Variants in TMEM255A observed in about 807,000 individuals in gnomAD.
TMEM255A encodes the protein family with sequence similarity 70, member A.
Under a neutral mutation model 23.5 loss-of-function variants are expected in TMEM255A, and 14 were observed. The ratio of observed to expected loss-of-function variants is 0.60; its 90% confidence interval spans 0.39 to 0.93. The LOEUF (loss-of-function observed/expected upper bound fraction) is 0.93. Among genes scored for constraint, TMEM255A ranks in the 40% least tolerant of loss-of-function variants. The probability of loss-of-function intolerance (pLI) is 0.00; values close to 1 mark genes in which losing one functional copy is unlikely to be tolerated. For missense variants in TMEM255A, 233 were observed against 261.7 expected (o/e 0.89, Z 0.76); for synonymous variants, 104 against 100.3 (o/e 1.04, Z -0.22).
intron 1 of TMEM255A, among the ~76,000 whole-genome samples, chrX:120,308,319 G>A (rs1187258255): frequency 8.9e-6 from 1 of 111,803 alleles, no homozygotes; most frequent in African/African-American, 3.3e-5. Context: ...GTTTTACCTT[G>A]CACACGTTCT....
chrX:120,276,933 C>T lies in TMEM255A; in HGVS notation c.627G>A (p.Leu209=), dbSNP rs1216899626. The T allele has an allele frequency of 8.3e-7, 1 of 1,210,095 alleles. No individual in the cohort carries two copies. Among genetic ancestry groups the T allele is most frequent in the African/African-American group, 1.7e-5 (1 of 57,230 alleles). Residue 209 remains leucine (L), a synonymous_variant, in exon 7 of 9, where the codon CTG becomes CTA. Coordinates refer to ENST00000371369, the MANE Select transcript of TMEM255A (RefSeq NM_001104544.3). ...CAGCGGCAGTGATGATGCCCAGGAACAGGCCAACAATGTTGAGGATGGTGG... is the reference window on the plus strand; with the variant it reads ...CAGCGGCAGTGATGATGCCCAGGAATAGGCCAACAATGTTGAGGATGGTGG... ...WSATILNIVG[L]FLGIITAAVL... is the part of the protein sequence containing the mutation.
chrX:120,298,905 G>GA (rs1215969962), intron 2 of TMEM255A, among the ~76,000 whole-genome samples: 1 of 108,480 alleles, frequency 9.2e-6, no homozygotes. Context: ...GAGAGAGAGA[G>GA]ATCAGGGAGG....
At chrX:120,292,565 C>T (rs981591685) in intron 3 of TMEM255A, among the ~76,000 whole-genome samples, 9 of 110,828 alleles carry the variant, frequency 8.1e-5, no homozygotes, top group African/African-American at 3.0e-4. Flanking sequence ...TCAAGACCAG[C>T]CTGGCCAACA....
Position 120,291,343 on chromosome X carries a change from G to T in TMEM255A, c.265-3C>A, listed in dbSNP as rs2057913820. On this transcript the variant is annotated splice_polypyrimidine_tract_variant and splice_region_variant and intron_variant, in intron 3 of 8. Coordinates refer to ENST00000371369, the MANE Select transcript of TMEM255A (RefSeq NM_001104544.3). ...ATAAACACGATAGAAGCCACCAGCTGTAGGGGGGAATAAAACAAAAGCGTC... is the reference window on the plus strand; with the variant it reads ...ATAAACACGATAGAAGCCACCAGCTTTAGGGGGGAATAAAACAAAAGCGTC... 1 of 1,201,329 alleles carries T rather than the reference G, an allele frequency of 8.3e-7. No individual in the cohort carries two copies. Among genetic ancestry groups the T allele is most frequent in the Non-Finnish European group, 1.1e-6 (1 of 888,323 alleles).
intron 6 of TMEM255A, among the ~76,000 whole-genome samples, chrX:120,284,692 C>A (rs781906026): frequency 5.4e-5 from 6 of 111,365 alleles, no homozygotes; most frequent in South Asian, 3.9e-4. Context: ...GAAAGGACTT[C>A]TGTTTTGTTG....
intron 3 of TMEM255A, among the ~76,000 whole-genome samples, chrX:120,293,523 T>A (rs1556023407): frequency 1.8e-5 from 2 of 112,949 alleles, no homozygotes. Flanking sequence ...GCTCATTAAA[T>A]CAAAGTCTGC....
At chrX:120,269,564 C>A (rs1482901807) in intron 7 of TMEM255A, among the ~76,000 whole-genome samples, 1 of 111,769 alleles carries the variant, frequency 8.9e-6, no homozygotes, top group Admixed American at 9.4e-5. Flanking sequence ...TCCCTTCCAG[C>A]AAGTTTCAAC....
intron 1 of TMEM255A, among the ~76,000 whole-genome samples, chrX:120,309,260 C>G (rs2058083455): frequency 8.8e-6 from 1 of 113,243 alleles, no homozygotes; most frequent in African/African-American, 3.2e-5. Context: ...CCGCTTCTAT[C>G]TGGGATTTAT....
chrX:120,300,265 G>A (rs1201700132), intron 2 of TMEM255A, among the ~76,000 whole-genome samples: 1 of 111,798 alleles, frequency 8.9e-6, no homozygotes, highest in Admixed American at 9.5e-5. Flanking sequence ...GGGTTTTTAG[G>A]CCTTCAGAGT....
chrX:120,272,491 T>G (rs2057767858), intron 7 of TMEM255A, among the ~76,000 whole-genome samples: 1 of 111,189 alleles, frequency 9.0e-6, no homozygotes, highest in South Asian at 3.8e-4. Context: ...TGGTGGGAGG[T>G]GATTGAATCG....
intron 1 of TMEM255A, among the ~76,000 whole-genome samples, chrX:120,308,417 C>T (rs1272438098): frequency 8.9e-6 from 1 of 112,117 alleles, no homozygotes; most frequent in Non-Finnish European, 1.9e-5. Context: ...GTCCTGTACA[C>T]GGTGTTGTTG....
At chrX:120,274,465 G>T (rs187293533) in intron 7 of TMEM255A, among the ~76,000 whole-genome samples, 2 of 111,797 alleles carry the variant, frequency 1.8e-5, no homozygotes, top group Non-Finnish European at 3.8e-5. Context: ...CGGGACTAAA[G>T]CTAAGGCTAA....
intron 2 of TMEM255A, among the ~76,000 whole-genome samples, chrX:120,296,770 AATATATTATAT>A (rs2057965962): frequency 3.0e-4 from 2 of 6,760 alleles, no homozygotes; most frequent in Non-Finnish European, 4.2e-4. Flanking sequence ...ATATATATTA[AATATATTATAT>A]ATCATATATA....
At chrX:120,296,746 TTATATTA>T (rs1176588227) in intron 2 of TMEM255A, among the ~76,000 whole-genome samples, 18 of 33,708 alleles carry the variant, frequency 5.3e-4, no homozygotes, top group Admixed American at 6.4e-4. Context: ...TTATATTATA[TTATATTA>T]TATATTATAT....
At chrX:120,295,941 C>T (rs1182813723) in intron 2 of TMEM255A, among the ~76,000 whole-genome samples, 1 of 111,761 alleles carries the variant, frequency 8.9e-6, no homozygotes, top group Non-Finnish European at 1.9e-5. Context: ...GCTGGAAAAT[C>T]TTATAATTAT....
chrX:120,311,417 G>A lies in TMEM255A; in HGVS notation c.-108C>T, dbSNP rs1182337178. ...CGCGGTTGCCTCTCTCGGTCCTTCC[G>A]AGAGCTGAGAGACACTGCCTCTGGT... is the stretch of plus-strand genomic sequence containing the variant. On this transcript the variant is annotated 5_prime_UTR_variant, in exon 1 of 9. Transcript: ENST00000371369. The A allele has an allele frequency of 1.9e-5, 12 of 618,364 alleles. No homozygotes were observed. Among genetic ancestry groups the A allele is most frequent in the Middle Eastern group, 3.4e-4 (1 of 2,972 alleles). 51.0% of individuals were successfully genotyped at this position (618,364 alleles called of 1,213,427 possible). A position where few individuals can be genotyped will look rare whatever the true frequency, so the allele number is the denominator to read the frequency against.
intron 7 of TMEM255A, among the ~76,000 whole-genome samples, chrX:120,275,740 G>C (rs1331726695): frequency 9.8e-6 from 1 of 102,181 alleles, no homozygotes; most frequent in Non-Finnish European, 2.0e-5. Context: ...CTGGGCTTCA[G>C]TTTAGACCAA....
rs1433445783 is a variant in TMEM255A, at chrX:120,268,161, C to T, written c.819+83G>A. On this transcript the variant is annotated intron_variant, in intron 8 of 8. Transcript: ENST00000371369. The stretch of plus-strand genomic sequence containing the variant: ...TACATATGCAGACAATGGAAAGGTT[C>T]CATAATTGAATTTAGGGAGAGAACA... 8 of 1,026,976 alleles carry T rather than the reference C, an allele frequency of 7.8e-6. No individual in the cohort carries two copies. In the Admixed American group the frequency reaches 2.4e-4, roughly 30 times the overall value. The allele number at this position is 1,026,976 out of a possible 1,213,427, so 84.6% of individuals were successfully genotyped here. A position where few individuals can be genotyped will look rare whatever the true frequency, so the allele number is the denominator to read the frequency against.
At chrX:120,303,150 A>G (rs1008793450) in intron 2 of TMEM255A, among the ~76,000 whole-genome samples, 20 of 111,663 alleles carry the variant, frequency 1.8e-4, no homozygotes, top group African/African-American at 6.2e-4. Flanking sequence ...TTCTAATGCA[A>G]CTAGTTTAGC....
Sources: allele counts gnomAD v4.1 joint callset (sites outside exome capture counted in the v4.1 genomes callset), GRCh38; gene constraint gnomAD v4.1.1; transcripts MANE v1.5; gene names NCBI Gene and HGNC (gene_info 2026-07-23, HGNC 2026-07-21).